Variants in CADPS observed in about 807,000 individuals in gnomAD.
The protein encoded by CADPS is calcium dependent secretion activator.
CADPS carries 57 observed loss-of-function variants against 167.3 expected under a neutral mutation model. That is an observed-to-expected ratio of 0.34 (90% CI 0.28 to 0.42). CADPS has a LOEUF of 0.42. Among genes scored for constraint, CADPS ranks in the 20% least tolerant of loss-of-function variants. The pLI is 1.00. For synonymous variants in CADPS, 676 were observed against 635.3 expected, an observed-to-expected ratio of 1.06 and a Z score of -0.96; for missense variants, 1,414 against 1,738.1, an observed-to-expected ratio of 0.81 and a Z score of 3.32.
intron 1 of CADPS, among the ~76,000 whole-genome samples, chr3:62,865,269 A>T (rs1021413221): frequency 2.0e-5 from 3 of 152,116 alleles, no homozygotes; most frequent in African/African-American, 7.2e-5. Context: ...CTTAAGAGGC[A>T]TAGTAGATTC....
At chr3:62,570,357 C>A (rs938710962) in intron 9 of CADPS, among the ~76,000 whole-genome samples, 2 of 152,066 alleles carry the variant, frequency 1.3e-5, no homozygotes, top group African/African-American at 4.8e-5. Flanking sequence ...CACTCCCACA[C>A]AGATAATTCA....
chr3:62,408,827 C>A (rs2048391833), intron 28 of CADPS, among the ~76,000 whole-genome samples: 1 of 152,216 alleles, frequency 6.6e-6, no homozygotes, highest in South Asian at 2.1e-4. Flanking sequence ...ACTGTATTTT[C>A]ATACTCAATT....
chr3:62,489,631 G>T (rs1048580941), intron 21 of CADPS, among the ~76,000 whole-genome samples: 1 of 152,156 alleles, frequency 6.6e-6, no homozygotes, highest in African/African-American at 2.4e-5. Context: ...TAGTAAATGG[G>T]CACTAAATCT....
At chr3:62,815,970 G>A (rs1576798594) in intron 1 of CADPS, among the ~76,000 whole-genome samples, 1 of 152,072 alleles carries the variant, frequency 6.6e-6, no homozygotes, top group Non-Finnish European at 1.5e-5. Context: ...GAACTTGAAT[G>A]GTTAAAATAT....
At chr3:62,774,179 G>A (rs990912359) in intron 1 of CADPS, among the ~76,000 whole-genome samples, 2 of 152,008 alleles carry the variant, frequency 1.3e-5, no homozygotes, top group African/African-American at 4.8e-5. Flanking sequence ...CAAAGGGGAC[G>A]AAAAGAAGAG....
chr3:62,711,880 A>G (rs1353166656), intron 3 of CADPS, among the ~76,000 whole-genome samples: 6 of 152,204 alleles, frequency 3.9e-5, no homozygotes, highest in Non-Finnish European at 8.8e-5. Flanking sequence ...TGGCTACTCA[A>G]CAGCAACTTA....
chr3:62,772,395 G>A (rs957623961), intron 1 of CADPS, among the ~76,000 whole-genome samples: 1 of 152,126 alleles, frequency 6.6e-6, no homozygotes, highest in Admixed American at 6.5e-5. Context: ...AGAAATATTC[G>A]AAATCCTCAT....
In CADPS at chr3:62,516,072, A is replaced by C; in HGVS notation, c.2568T>G (p.Tyr856Ter). 2 of 1,613,172 alleles carry C rather than the reference A, an allele frequency of 1.2e-6. No homozygotes were observed. Among genetic ancestry groups the C allele is most frequent in the Non-Finnish European group, 1.7e-6 (2 of 1,179,340 alleles). Residue 856 changes from tyrosine (Y) to a stop codon, truncating the protein, a stop_gained, in exon 16 of 30, where the codon TAT becomes TAG. Transcript: ENST00000383710. LOFTEE classifies it high-confidence loss of function. ...AGGGAGCCTTACCTTCGATTTTGGC[A>C]TACTCTGAGAGCCGAGAATAGTTGA... is the stretch of plus-strand genomic sequence containing the variant. ...ALVNYSRLSE[Y>*]AKIEENQKDA... is the part of the protein sequence containing the mutation.
chr3:62,792,784 G>A (rs557971493), intron 1 of CADPS, among the ~76,000 whole-genome samples: 1 of 151,612 alleles, frequency 6.6e-6, no homozygotes, highest in Non-Finnish European at 1.5e-5. Flanking sequence ...TTTTTGTAGG[G>A]ACAGGGTCTC....
Position 62,875,083 on chromosome 3 carries a change from TG to T in CADPS, c.-55del. On this transcript the variant is annotated 5_prime_UTR_variant, in exon 1 of 30. Coordinates refer to ENST00000383710, the MANE Select transcript of CADPS (RefSeq NM_003716.4). ...AGCCCCCGGCTTGGAGTGCAAAAGG[TG>T]GGGGGCGCTGGAGGCAGCCGGGGAT... 6 of 1,506,630 alleles carry T rather than the reference TG, an allele frequency of 4.0e-6. No individual in the cohort carries two copies. The highest frequency in any genetic ancestry group is 1.5e-5 in the African/African-American group (1 of 68,682). 93.3% of individuals were successfully genotyped at this position (1,506,630 alleles called of 1,614,324 possible).
chr3:62,647,672 T>C (rs1021399547), intron 5 of CADPS, among the ~76,000 whole-genome samples: 1 of 152,172 alleles, frequency 6.6e-6, no homozygotes, highest in Non-Finnish European at 1.5e-5. Flanking sequence ...CATTTTTACA[T>C]TGGGAAGAAC....
intron 17 of CADPS, among the ~76,000 whole-genome samples, chr3:62,501,742 TA>T (rs397769219): frequency 4.6e-5 from 7 of 152,022 alleles, no homozygotes; most frequent in Admixed American, 3.3e-4. Flanking sequence ...ATGCACTTTT[TA>T]AAAAAAAGTC....
intron 26 of CADPS, among the ~76,000 whole-genome samples, chr3:62,453,798 C>T (rs1039750002): frequency 6.6e-6 from 1 of 152,186 alleles, no homozygotes; most frequent in African/African-American, 2.4e-5. Context: ...ATTCCCAGGG[C>T]TCTGTCACCA....
At chr3:62,727,746 T>C (rs1037937008) in intron 3 of CADPS, among the ~76,000 whole-genome samples, 10 of 152,042 alleles carry the variant, frequency 6.6e-5, no homozygotes, top group Admixed American at 3.9e-4. Flanking sequence ...GAAGCTAACA[T>C]TTCCATTCTG....
intron 6 of CADPS, among the ~76,000 whole-genome samples, chr3:62,621,897 C>CTTT (rs3080563): frequency 7.9e-4 from 116 of 147,510 alleles, no homozygotes; most frequent in Admixed American, 1.7e-3. Flanking sequence ...CTACTTACTT[C>CTTT]TTTTTTTTTT....
chr3:62,826,653 C>G (rs928780665), intron 1 of CADPS, among the ~76,000 whole-genome samples: 50 of 152,222 alleles, frequency 3.3e-4, no homozygotes, highest in African/African-American at 1.2e-3. Context: ...TGAAAGGAAA[C>G]TCATGACACA....
chr3:62,450,045 C>T (rs942243673), intron 26 of CADPS, among the ~76,000 whole-genome samples: 1 of 152,096 alleles, frequency 6.6e-6, no homozygotes, highest in Non-Finnish European at 1.5e-5. Context: ...ATTGGCTTAC[C>T]GGTGTAGACA....
chr3:62,823,799 A>G (rs1336683024), intron 1 of CADPS, among the ~76,000 whole-genome samples: 2 of 152,166 alleles, frequency 1.3e-5, no homozygotes, highest in Non-Finnish European at 2.9e-5. Context: ...AAGGAAAGCA[A>G]TTACTATTTC....
intron 3 of CADPS, among the ~76,000 whole-genome samples, chr3:62,738,428 T>TA (rs5849498): frequency 0.4 from 60,643 of 151,026 alleles, 12,583 homozygotes; most frequent in African/African-American, 0.49. Flanking sequence ...ACTTACACAT[T>TA]AAAAAAAAAT....
Sources: gnomAD v4.1 joint callset for allele counts (sites outside exome capture counted in the v4.1 genomes callset) on GRCh38, gnomAD v4.1.1 for gene constraint, MANE v1.5 for transcripts, NCBI Gene and HGNC (gene_info 2026-07-23, HGNC 2026-07-21) for gene names.